Variants in GRM5 observed in about 807,000 individuals in gnomAD.
GRM5 encodes the protein metabotropic glutamate receptor 5.
GRM5 carries 19 observed loss-of-function variants against 83.1 expected under a neutral mutation model. That is an observed-to-expected ratio of 0.23 (90% CI 0.16 to 0.34). The LOEUF (loss-of-function observed/expected upper bound fraction) is 0.34, where lower values mean the gene tolerates loss of function less well. Among genes scored for constraint, GRM5 ranks in the 10% least tolerant of loss-of-function variants. GRM5 has a pLI of 1.00. For missense variants in GRM5, 1,160 were observed against 1,588.3 expected (o/e 0.73, Z 4.58); for synonymous variants, 675 against 633.6 (o/e 1.07, Z -0.98).
At chr11:88,652,565 T>G (rs1939660100) in intron 4 of GRM5, among the ~76,000 whole-genome samples, 1 of 152,136 alleles carries the variant, frequency 6.6e-6, no homozygotes, top group African/African-American at 2.4e-5. Context: ...TTTCTCCATC[T>G]TGGTATCCTT....
chr11:89,027,336 C>G (rs560759160), intron 2 of GRM5, among the ~76,000 whole-genome samples: 4 of 150,456 alleles, frequency 2.7e-5, no homozygotes, highest in African/African-American at 9.8e-5. Context: ...CCTCGTGATC[C>G]ACACTCCTCA....
intron 2 of GRM5, among the ~76,000 whole-genome samples, chr11:88,978,473 T>TAAAAAAAAAAAAAAAAAAA (rs1565317795): frequency 1.8e-5 from 1 of 56,818 alleles, no homozygotes; most frequent in African/African-American, 6.6e-5. Context: ...GCAGATGAGC[T>TAAAAAAAAAAAAAAAAAAA]TAAAAAAAAA....
rs1170822606 is a variant in GRM5 at position 88,597,726 on chromosome 11, A to G, written c.1395-374T>C. On this transcript the variant is annotated intron_variant, in intron 5 of 9. Transcript: ENST00000305447. Reference sequence around the variant, plus strand: ...ATGATAAAACTTACATTTACTAACCAAGTGAGAAATTTGGTAAATCTTTCA... The same window carrying G: ...ATGATAAAACTTACATTTACTAACCGAGTGAGAAATTTGGTAAATCTTTCA... Among the ~76,000 whole-genome samples the G allele has an allele frequency of 2.0e-5, 3 of 152,146 alleles. No homozygotes were observed. In the East Asian group the frequency reaches 5.8e-4, roughly 29 times the overall value.
chr11:88,524,221 T>C (rs79508289), intron 9 of GRM5, among the ~76,000 whole-genome samples: 4,655 of 53,024 alleles, frequency 0.088, 95 homozygotes, highest in Non-Finnish European at 0.15. Flanking sequence ...TTTCTTTTTT[T>C]TTTTTTTTTT....
chr11:88,916,347 T>C (rs1945592166), intron 2 of GRM5, among the ~76,000 whole-genome samples: 3 of 152,148 alleles, frequency 2.0e-5, no homozygotes. Flanking sequence ...AGAATCTGTA[T>C]GCTTGGTAGA....
chr11:88,937,839 C>T (rs1937950927), intron 2 of GRM5, among the ~76,000 whole-genome samples: 2 of 151,584 alleles, frequency 1.3e-5, no homozygotes, highest in South Asian at 4.1e-4. Context: ...GATATGTGGG[C>T]AAACAGGAGA....
chr11:88,613,038 G>A (rs1295169590), intron 4 of GRM5: 1 of 152,050 alleles, frequency 6.6e-6, no homozygotes, highest in Non-Finnish European at 1.5e-5. Flanking sequence ...TTTTTAATTT[G>A]TATTGTGCTG....
At chr11:88,926,861 C>A (rs1945798269) in intron 2 of GRM5, among the ~76,000 whole-genome samples, 1 of 152,168 alleles carries the variant, frequency 6.6e-6, no homozygotes, top group African/African-American at 2.4e-5. Flanking sequence ...TCAGCAAATA[C>A]TTGTTCAATG....
intron 2 of GRM5, among the ~76,000 whole-genome samples, chr11:88,882,602 A>C (rs991622049): frequency 2.0e-5 from 3 of 151,742 alleles, no homozygotes; most frequent in Non-Finnish European, 4.4e-5. Context: ...TTCACCTCTC[A>C]TTCAGCCCCT....
At chr11:88,525,481 G>A (rs975169879) in intron 8 of GRM5, 77 bp from the exon 9 acceptor site, 27 of 894,658 alleles carry the variant, frequency 3.0e-5, no homozygotes, top group Non-Finnish European at 3.3e-5. Context: ...AGGAACGGCC[G>A]TGACTGTGGA....
intron 2 of GRM5, among the ~76,000 whole-genome samples, chr11:89,002,952 T>C (rs1940425982): frequency 6.6e-6 from 1 of 152,030 alleles, no homozygotes; most frequent in Non-Finnish European, 1.5e-5. Flanking sequence ...ATTTTAGGGT[T>C]CATTTACTTT....
intron 8 of GRM5, among the ~76,000 whole-genome samples, chr11:88,533,994 C>T (rs1298694590): frequency 6.6e-6 from 1 of 152,106 alleles, no homozygotes; most frequent in East Asian, 1.9e-4. Flanking sequence ...TTGGCAGCTT[C>T]CATGTGGTGT....
At chr11:88,925,486 C>T (rs1002848478) in intron 2 of GRM5, among the ~76,000 whole-genome samples, 4 of 152,098 alleles carry the variant, frequency 2.6e-5, no homozygotes, top group African/African-American at 9.7e-5. Flanking sequence ...ACAACATAAC[C>T]TTATTCACCA....
At chr11:88,618,052 A>G (rs2135252221) in intron 4 of GRM5, among the ~76,000 whole-genome samples, 1 of 152,358 alleles carries the variant, frequency 6.6e-6, no homozygotes, top group South Asian at 2.1e-4. Flanking sequence ...GGGATGGAAC[A>G]ATGCCCAGGG....
chr11:89,052,654 C>T (rs1182480055), intron 1 of GRM5, among the ~76,000 whole-genome samples: 1 of 152,108 alleles, frequency 6.6e-6, no homozygotes. Context: ...ACAACCCCTA[C>T]ACAAAATGCT....
intron 3 of GRM5, among the ~76,000 whole-genome samples, chr11:88,815,125 C>T (rs936432235): frequency 6.6e-6 from 1 of 152,152 alleles, no homozygotes; most frequent in Non-Finnish European, 1.5e-5. Context: ...GCAGCATATA[C>T]ATTATTTTCA....
chr11:88,935,705 C>G (rs1937870782), intron 2 of GRM5, among the ~76,000 whole-genome samples: 1 of 151,866 alleles, frequency 6.6e-6, no homozygotes, highest in South Asian at 2.1e-4. Context: ...GGGAAATACT[C>G]TTTTTGAAGA....
At chr11:88,529,042 C>A (rs188423266) in intron 8 of GRM5, among the ~76,000 whole-genome samples, 9 of 152,024 alleles carry the variant, frequency 5.9e-5, no homozygotes, top group Non-Finnish European at 1.3e-4. Flanking sequence ...TCTTCTTGAC[C>A]CCGTTTTGCA....
chr11:88,785,234 A>G (rs181071852), intron 3 of GRM5, among the ~76,000 whole-genome samples: 3 of 152,212 alleles, frequency 2.0e-5, no homozygotes, highest in Admixed American at 2.0e-4. Flanking sequence ...TTCCCTTACA[A>G]TTAGTGGCCT....
Sources: allele counts gnomAD v4.1 joint callset (sites outside exome capture counted in the v4.1 genomes callset), GRCh38; gene constraint gnomAD v4.1.1; transcripts MANE v1.5; gene names NCBI Gene and HGNC (gene_info 2026-07-23, HGNC 2026-07-21).